Variants in PLCG2 observed in about 807,000 individuals in gnomAD.
PLCG2 encodes the protein 1-phosphatidylinositol 4,5-bisphosphate phosphodiesterase gamma-2.
Under a neutral mutation model 175.6 loss-of-function variants are expected in PLCG2, and 69 were observed. The observed-to-expected ratio is 0.39, with a 90% confidence interval of 0.32 to 0.48. The LOEUF is 0.48. Among genes scored for constraint, PLCG2 ranks in the 20% least tolerant of loss-of-function variants. The probability of loss-of-function intolerance (pLI) is 0.91; values close to 1 mark genes in which losing one functional copy is unlikely to be tolerated. For missense variants in PLCG2, 1,798 were observed against 1,650.9 expected, an observed-to-expected ratio of 1.09 and a Z score of -1.54; for synonymous variants, 827 against 624.0, an observed-to-expected ratio of 1.33 and a Z score of -4.85.
intron 1 of PLCG2, chr16:81,783,111 C>G (rs762926994): frequency 1.4e-5 from 7 of 485,918 alleles, no homozygotes; most frequent in East Asian, 1.2e-4. Flanking sequence ...AGCCTGGTCC[C>G]TTGTCCTGGT....
At chr16:81,940,892 G>C (rs368655115) in intron 30 of PLCG2, among the ~76,000 whole-genome samples, 14 of 152,168 alleles carry the variant, frequency 9.2e-5, no homozygotes, top group Admixed American at 7.9e-4. Flanking sequence ...GCCCTTGCTG[G>C]ATGTTGAATT....
chr16:81,814,177 C>T (rs1904437197), intron 2 of PLCG2, among the ~76,000 whole-genome samples: 1 of 152,138 alleles, frequency 6.6e-6, no homozygotes, highest in African/African-American at 2.4e-5. Flanking sequence ...TCTTAAGATA[C>T]AGCGGAGGGG....
chr16:81,817,361 T>C (rs1904597620), intron 2 of PLCG2, among the ~76,000 whole-genome samples: 1 of 152,268 alleles, frequency 6.6e-6, no homozygotes, highest in Non-Finnish European at 1.5e-5. Context: ...AGCACCTATC[T>C]TCCACTAAAA....
intron 2 of PLCG2, among the ~76,000 whole-genome samples, chr16:81,827,248 G>A (rs1311823767): frequency 2.0e-5 from 3 of 151,044 alleles, no homozygotes; most frequent in Admixed American, 2.0e-4. Flanking sequence ...GTGCAGTGGT[G>A]CCACTATCGC....
rs1411468057 is a variant in PLCG2, at chr16:81,919,490, G to T, written c.2061G>T (p.Arg687Ser). ...SDSYAITFRA[R>S]GKVKHCRINR... ...TGTGTTCTTCCTGCTCCAGGGCTAGGGGCAAGGTAAAGCATTGTCGCATCA... is the reference window on the plus strand; with the variant it reads ...TGTGTTCTTCCTGCTCCAGGGCTAGTGGCAAGGTAAAGCATTGTCGCATCA... Residue 687 changes from arginine (R) to serine (S), a missense_variant, in exon 20 of 33, where the codon AGG becomes AGT. By Grantham distance (110) the Arg-to-Ser change is moderately radical. Coordinates refer to ENST00000564138, the MANE Select transcript of PLCG2 (RefSeq NM_002661.5). The T allele has an allele frequency of 2.5e-6, 4 of 1,613,488 alleles. No homozygotes were observed. Among genetic ancestry groups the T allele is most frequent in the African/African-American group, 2.7e-5 (2 of 74,886 alleles).
chr16:81,763,390 C>T (rs1910079914), intron 2 of PLCG2, among the ~76,000 whole-genome samples: 1 of 152,240 alleles, frequency 6.6e-6, no homozygotes, highest in Non-Finnish European at 1.5e-5. Flanking sequence ...CTGGGAAGTT[C>T]CAGCTCTCTG....
At chr16:81,781,865 T>TCCC (rs11355840) in intron 1 of PLCG2, among the ~76,000 whole-genome samples, 178 of 36,646 alleles carry the variant, frequency 4.9e-3, no homozygotes, top group Non-Finnish European at 5.7e-3. Context: ...TCATGTCCTT[T>TCCC]CCCCCCCCCC....
intron 2 of PLCG2, among the ~76,000 whole-genome samples, chr16:81,853,733 C>T (rs1437903308): frequency 6.6e-6 from 1 of 152,054 alleles, no homozygotes; most frequent in African/African-American, 2.4e-5. Context: ...AAACAGGTCA[C>T]AGAGACAACC....
upstream of PLCG2, among the ~76,000 whole-genome samples, chr16:81,776,083 C>CTTTCTTTCTTT: frequency 1.2e-5 from 1 of 81,848 alleles, no homozygotes; most frequent in African/African-American, 4.3e-5. Context: ...TTCTCTCTCT[C>CTTTCTTTCTTT]TCTCTCTTTC....
intron 12 of PLCG2, among the ~76,000 whole-genome samples, chr16:81,894,832 C>T (rs376125738): frequency 9.9e-5 from 15 of 151,694 alleles, no homozygotes; most frequent in South Asian, 8.3e-4. Flanking sequence ...GAGATCGCGC[C>T]GCTGCACGCC....
At chr16:81,758,770 C>T (rs1472298966) in intron 2 of PLCG2, among the ~76,000 whole-genome samples, 2 of 151,890 alleles carry the variant, frequency 1.3e-5, no homozygotes, top group African/African-American at 4.8e-5. Context: ...CTTTGCCTCC[C>T]AGGTTCAAGC....
chr16:81,783,632 C>T (rs779860322), intron 1 of PLCG2, among the ~76,000 whole-genome samples: 3 of 152,118 alleles, frequency 2.0e-5, no homozygotes, highest in African/African-American at 4.8e-5. Flanking sequence ...TTTCCGCTGC[C>T]GTATTTCCCA....
chr16:81,907,904 T>G (rs1272803345), intron 16 of PLCG2, 130 bp downstream of exon 16: 7 of 638,678 alleles, frequency 1.1e-5, no homozygotes, highest in Non-Finnish European at 1.9e-5. Context: ...GAAGAAGCTG[T>G]TGATACTCTG....
At chr16:81,795,681 C>T (rs1345804539) in intron 2 of PLCG2, among the ~76,000 whole-genome samples, 1 of 152,002 alleles carries the variant, frequency 6.6e-6, no homozygotes, top group Non-Finnish European at 1.5e-5. Context: ...AGTGGATGTA[C>T]CTGTTTCCTC....
intron 2 of PLCG2, among the ~76,000 whole-genome samples, chr16:81,769,985 G>A (rs1480881663): frequency 6.6e-6 from 1 of 152,194 alleles, no homozygotes; most frequent in East Asian, 1.9e-4. Context: ...GTTCCACTGT[G>A]AGGATGAAAT....
intron 3 of PLCG2, among the ~76,000 whole-genome samples, chr16:81,857,025 C>G (rs1198067770): frequency 6.6e-6 from 1 of 152,212 alleles, no homozygotes; most frequent in Non-Finnish European, 1.5e-5. Context: ...AGATCTCATG[C>G]AACCAGTCTA....
chr16:81,795,247 GGTACT>G (rs1279032691), intron 2 of PLCG2, among the ~76,000 whole-genome samples: 1 of 152,138 alleles, frequency 6.6e-6, no homozygotes, highest in Non-Finnish European at 1.5e-5. Context: ...AAAGGAACAG[GGTACT>G]GTAATAAGGA....
At chr16:81,761,533 T>C (rs1319822123) in intron 2 of PLCG2, among the ~76,000 whole-genome samples, 2 of 152,208 alleles carry the variant, frequency 1.3e-5, no homozygotes, top group Admixed American at 6.5e-5. Flanking sequence ...GTCATATGTC[T>C]TTCCCTCGGC....
intron 22 of PLCG2, among the ~76,000 whole-genome samples, chr16:81,926,089 T>TTG (rs1555521183): frequency 6.6e-6 from 1 of 151,508 alleles, no homozygotes; most frequent in Non-Finnish European, 1.5e-5. Flanking sequence ...CTTAAATTAG[T>TTG]GGGGGGAAGT....
Sources: gnomAD v4.1 joint callset for allele counts (sites outside exome capture counted in the v4.1 genomes callset) on GRCh38, gnomAD v4.1.1 for gene constraint, MANE v1.5 for transcripts, NCBI Gene and HGNC (gene_info 2026-07-23, HGNC 2026-07-21) for gene names.